The following CDH13 variants were observed in gnomAD, a reference collection of about 807,000 sequenced individuals.
CDH13 encodes the protein cadherin 13.
A neutral mutation model predicts 63.8 loss-of-function variants in CDH13; 24 were observed. That is an observed-to-expected ratio of 0.38 (90% CI 0.27 to 0.53). The LOEUF (loss-of-function observed/expected upper bound fraction) is 0.53, where lower values mean the gene tolerates loss of function less well. Among genes scored for constraint, CDH13 ranks in the 20% least tolerant of loss-of-function variants. CDH13 has a pLI of 0.85. For synonymous variants in CDH13, 503 were observed against 355.3 expected (o/e 1.42, Z -4.67); for missense variants, 1,049 against 903.1 (o/e 1.16, Z -2.07).
intron 7 of CDH13, among the ~76,000 whole-genome samples, chr16:83,527,183 C>G (rs372843016): frequency 3.3e-5 from 5 of 151,906 alleles, no homozygotes; most frequent in African/African-American, 1.2e-4. Flanking sequence ...GGCGTGCTGG[C>G]TCACACCTGT....
At chr16:83,747,663 A>G (rs996821615) in intron 10 of CDH13, among the ~76,000 whole-genome samples, 1 of 150,778 alleles carries the variant, frequency 6.6e-6, no homozygotes, top group African/African-American at 2.4e-5. Flanking sequence ...TGAGGTGCCC[A>G]ATATTGCCCT....
rs1407951175 is a variant in CDH13, at chr16:82,879,722, A to T, written c.157+21249A>T. On this transcript the variant is annotated intron_variant, in intron 2 of 13. Coordinates refer to ENST00000567109, the MANE Select transcript of CDH13 (RefSeq NM_001257.5). The stretch of plus-strand genomic sequence containing the variant: ...ACCAGTATGTTTCATTATATATAAT[A>T]TATAGATACATACTGATTATATATG... Among the ~76,000 whole-genome samples the T allele has an allele frequency of 5.8e-5, 8 of 138,612 alleles. No homozygotes were observed. The East Asian group carries it at 1.6e-3, about 28-fold the overall frequency. 90.9% of individuals were successfully genotyped at this position (138,612 alleles called of 152,430 possible).
intron 2 of CDH13, 142 bp downstream of exon 2, chr16:82,858,615 T>C (rs1182450317): frequency 1.4e-6 from 1 of 709,522 alleles, no homozygotes; most frequent in Non-Finnish European, 2.5e-6. Flanking sequence ...TGACCCAAAG[T>C]GGAAATTCTT....
intron 3 of CDH13, among the ~76,000 whole-genome samples, chr16:83,089,740 TACAC>T (rs1392070418): frequency 1.4e-4 from 21 of 152,330 alleles, no homozygotes; most frequent in African/African-American, 4.8e-4. Flanking sequence ...CTATAAGGGC[TACAC>T]GTCGGAAATG....
chr16:83,010,419 T>A (rs566356108), intron 2 of CDH13, among the ~76,000 whole-genome samples: 1 of 151,048 alleles, frequency 6.6e-6, no homozygotes, highest in Admixed American at 6.6e-5. Flanking sequence ...AATGTAGGGT[T>A]TTTTTGGCCC....
At chr16:83,378,808 T>C (rs2091503504) in intron 6 of CDH13, among the ~76,000 whole-genome samples, 1 of 152,162 alleles carries the variant, frequency 6.6e-6, no homozygotes, top group Non-Finnish European at 1.5e-5. Context: ...TCGTGACCAT[T>C]ACCAGAAAGA....
chr16:83,405,752 T>C (rs1354586429), intron 6 of CDH13, among the ~76,000 whole-genome samples: 1 of 152,246 alleles, frequency 6.6e-6, no homozygotes, highest in Non-Finnish European at 1.5e-5. Context: ...CCATGTTATC[T>C]AATTTTTCAC....
chr16:83,124,085 A>G (rs539638046), intron 3 of CDH13, among the ~76,000 whole-genome samples: 4 of 152,158 alleles, frequency 2.6e-5, no homozygotes, highest in South Asian at 4.2e-4. Context: ...TCGTTCTGTC[A>G]CCCAGGATGG....
chr16:83,622,155 C>T (rs1909873995), intron 8 of CDH13, among the ~76,000 whole-genome samples: 1 of 152,204 alleles, frequency 6.6e-6, no homozygotes, highest in Non-Finnish European at 1.5e-5. Flanking sequence ...TCATTTAATT[C>T]TCACAACAGC....
chr16:83,032,344 G>C (rs944308528), intron 3 of CDH13, 126 bp downstream of exon 3: 9 of 738,286 alleles, frequency 1.2e-5, no homozygotes, highest in Admixed American at 2.9e-5. Flanking sequence ...TGTTGCAAAT[G>C]ACAGAAATCC....
intron 1 of CDH13, among the ~76,000 whole-genome samples, chr16:82,832,341 C>G (rs2038578878): frequency 6.6e-6 from 1 of 152,110 alleles, no homozygotes; most frequent in Non-Finnish European, 1.5e-5. Context: ...ATTTTCAACC[C>G]TTATTAATGC....
At chr16:83,128,889 T>C (rs1055633802) in intron 4 of CDH13, among the ~76,000 whole-genome samples, 19 of 152,240 alleles carry the variant, frequency 1.2e-4, no homozygotes, top group Non-Finnish European at 1.6e-4. Context: ...CAACTGCTTT[T>C]CTAAGTGTGG....
intron 7 of CDH13, among the ~76,000 whole-genome samples, chr16:83,497,108 C>A (rs2074163904): frequency 1.3e-5 from 2 of 152,188 alleles, no homozygotes; most frequent in Admixed American, 6.5e-5. Flanking sequence ...TGTGGCGTTT[C>A]CTCAGGGATC....
chr16:83,609,320 G>A (rs769772192), intron 8 of CDH13, among the ~76,000 whole-genome samples: 2 of 152,136 alleles, frequency 1.3e-5, no homozygotes, highest in Non-Finnish European at 2.9e-5. Context: ...TATGGCCCAG[G>A]GAAGCCAAAA....
chr16:82,847,817 C>T (rs1434730942), intron 1 of CDH13, among the ~76,000 whole-genome samples: 1 of 152,118 alleles, frequency 6.6e-6, no homozygotes, highest in African/African-American at 2.4e-5. Flanking sequence ...AATCACCACA[C>T]AGCCAGAATT....
At chr16:82,639,334 G>A in intron 1 of CDH13, 5 of 1,497,444 alleles carry the variant, frequency 3.3e-6, no homozygotes, top group Non-Finnish European at 4.5e-6. Flanking sequence ...TGTGTTCTTT[G>A]TCTCCATGTC....
chr16:83,439,704 G>C (rs1416132976), intron 6 of CDH13, among the ~76,000 whole-genome samples: 1 of 152,140 alleles, frequency 6.6e-6, no homozygotes, highest in Non-Finnish European at 1.5e-5. Context: ...GATTGACTGT[G>C]GTCATAGAGT....
chr16:83,458,073 G>A (rs914304878), intron 6 of CDH13, among the ~76,000 whole-genome samples: 5 of 152,146 alleles, frequency 3.3e-5, no homozygotes, highest in African/African-American at 1.2e-4. Flanking sequence ...CTCACCCACT[G>A]TCGCCATTAC....
At chr16:83,171,519 C>T in intron 4 of CDH13, 1 of 1,533,030 alleles carries the variant, frequency 6.5e-7, no homozygotes, top group Non-Finnish European at 8.7e-7. Flanking sequence ...CTTTGTTTTT[C>T]AGATGAAGAT....
Sources: gnomAD v4.1 joint callset for allele counts (sites outside exome capture counted in the v4.1 genomes callset) on GRCh38, gnomAD v4.1.1 for gene constraint, MANE v1.5 for transcripts, NCBI Gene and HGNC (gene_info 2026-07-23, HGNC 2026-07-21) for gene names.